The following RASSF6 variants were observed in gnomAD, a reference collection of about 807,000 sequenced individuals.
RASSF6 encodes the protein Ras association domain family member 6.
A neutral mutation model predicts 44.0 loss-of-function variants in RASSF6; 52 were observed. The observed-to-expected ratio is 1.18, with a 90% CI of 0.95 to 1.49. The LOEUF is 1.49. RASSF6 is among the 40% of genes most tolerant of loss of function. The probability of loss-of-function intolerance (pLI) is 0.00; values close to 1 mark genes in which losing one functional copy is unlikely to be tolerated. For synonymous variants in RASSF6, 162 were observed against 124.6 expected, an observed-to-expected ratio of 1.30 and a Z score of -2.00; for missense variants, 464 against 393.3, an observed-to-expected ratio of 1.18 and a Z score of -1.52.
chr4:73,579,485 A>G (rs1416091619), intron 8 of RASSF6, among the ~76,000 whole-genome samples: 2 of 152,206 alleles, frequency 1.3e-5, no homozygotes, highest in African/African-American at 2.4e-5. Flanking sequence ...GAGAAGTGCA[A>G]GATAATATTA....
chr4:73,617,182 G>C (rs528942934), intron 1 of RASSF6, among the ~76,000 whole-genome samples: 2 of 152,156 alleles, frequency 1.3e-5, no homozygotes, highest in Non-Finnish European at 2.9e-5. Context: ...ATCTAAGAGA[G>C]GACTAAGCAG....
At chr4:73,602,204 C>T (rs72863074) in intron 2 of RASSF6, among the ~76,000 whole-genome samples, 2,131 of 152,244 alleles carry the variant, frequency 0.014, 36 homozygotes, top group South Asian at 0.047. Context: ...GAATTCACTT[C>T]GCAGGCAATG....
rs558746502 is a variant in RASSF6, at chr4:73,620,321, T to G, written c.-68A>C. 132 of 1,473,978 alleles carry G rather than the reference T, an allele frequency of 9.0e-5. 1 individual carries two copies. The African/African-American group carries it at 1.7e-3, about 19-fold the overall frequency. The allele number at this position is 1,473,978 out of a possible 1,614,324, so 91.3% of individuals were successfully genotyped here. ...CACACTGTGAGCAGGAGGACCCTTT[T>G]CACCATCGTTGTTCGGCTGAACTTG... is the stretch of plus-strand genomic sequence containing the variant. On this transcript the variant is annotated 5_prime_UTR_variant, in exon 1 of 11. Transcript: ENST00000307439.
intron 2 of RASSF6, among the ~76,000 whole-genome samples, chr4:73,601,682 T>C (rs1725286529): frequency 6.6e-6 from 1 of 152,264 alleles, no homozygotes; most frequent in African/African-American, 2.4e-5. Context: ...CAAACATTTC[T>C]TTTAATCGTG....
chr4:73,595,706 T>C (rs994409082), intron 3 of RASSF6, among the ~76,000 whole-genome samples: 1 of 136,946 alleles, frequency 7.3e-6, no homozygotes, highest in East Asian at 2.0e-4. Flanking sequence ...TTTTTATAAT[T>C]GTATATATTA....
chr4:73,588,608 C>G (rs1369267834), intron 4 of RASSF6, among the ~76,000 whole-genome samples: 1 of 151,892 alleles, frequency 6.6e-6, no homozygotes, highest in Non-Finnish European at 1.5e-5. Context: ...AGTTTCTTAT[C>G]CCCTCTGTGC....
At position 73,576,403 on chromosome 4, in the gene RASSF6, G is replaced by T; in HGVS notation, c.938+7C>A. ...CGGAGTATCCAATGTGCATGCTCTT[G>T]ACTTACTTTGTTACTATTCTTTGAA... is the stretch of plus-strand genomic sequence containing the variant. On this transcript the variant is annotated splice_region_variant and intron_variant, in intron 10 of 10. Transcript: ENST00000307439. 6.5e-7 allele frequency: 1 copy of T among 1,533,000 alleles called. No homozygotes were observed. Among genetic ancestry groups the T allele is most frequent in the South Asian group, 1.2e-5 (1 of 84,760 alleles). 95.0% of individuals were successfully genotyped at this position (1,533,000 alleles called of 1,614,324 possible).
intron 4 of RASSF6, among the ~76,000 whole-genome samples, chr4:73,589,347 TA>T (rs1724350482): frequency 1.3e-5 from 2 of 152,130 alleles, no homozygotes; most frequent in Non-Finnish European, 2.9e-5. Context: ...AGCAGCTTAA[TA>T]ATCAGAAAGT....
intron 5 of RASSF6, among the ~76,000 whole-genome samples, chr4:73,586,723 T>G (rs1724122849): frequency 1.3e-5 from 2 of 151,998 alleles, no homozygotes; most frequent in South Asian, 4.1e-4. Flanking sequence ...ATGTCTTTGA[T>G]GCCAAGATAC....
At chr4:73,606,573 G>A (rs1221990891) in intron 2 of RASSF6, among the ~76,000 whole-genome samples, 1 of 152,070 alleles carries the variant, frequency 6.6e-6, no homozygotes, top group Admixed American at 6.5e-5. Flanking sequence ...CTCATATTTG[G>A]GTCTTGCTTC....
At chr4:73,620,499 A>T, upstream of RASSF6, 1 of 1,543,438 alleles carries the variant, frequency 6.5e-7, no homozygotes. Context: ...CTCCCAGAGC[A>T]TGGCTCAGCT....
At chr4:73,614,282 G>C (rs570463802) in intron 1 of RASSF6, among the ~76,000 whole-genome samples, 6 of 152,284 alleles carry the variant, frequency 3.9e-5, no homozygotes, top group South Asian at 2.1e-4. Flanking sequence ...TCCCTCTGTT[G>C]TGGTCTGAAT....
intron 5 of RASSF6, among the ~76,000 whole-genome samples, chr4:73,587,083 C>T (rs1385435665): frequency 6.6e-6 from 1 of 151,996 alleles, no homozygotes. Flanking sequence ...GCATCCACTA[C>T]TCTTTGAATC....
chr4:73,618,602 G>A (rs1726518652), intron 1 of RASSF6, among the ~76,000 whole-genome samples: 1 of 151,936 alleles, frequency 6.6e-6, no homozygotes, highest in African/African-American at 2.4e-5. Context: ...TAAGTTTTTA[G>A]CTAAACTGTA....
chr4:73,586,884 C>A (rs1333489120), intron 5 of RASSF6, among the ~76,000 whole-genome samples: 2 of 147,148 alleles, frequency 1.4e-5, no homozygotes, highest in East Asian at 3.9e-4. Context: ...TGTGGAATAG[C>A]AGACGAGGCA....
At chr4:73,619,020 G>A (rs1344237172) in intron 1 of RASSF6, among the ~76,000 whole-genome samples, 2 of 152,102 alleles carry the variant, frequency 1.3e-5, no homozygotes, top group Admixed American at 6.6e-5. Context: ...ATTCCTTCAT[G>A]TCTCTTGTCC....
At position 73,603,253 on chromosome 4, in the gene RASSF6, C is replaced by T. The variant is rs1431861442; in HGVS notation, c.66-4535G>A. Among the ~76,000 whole-genome samples, 4 of 152,284 alleles carry T rather than the reference C, an allele frequency of 2.6e-5. No homozygotes were observed. In the South Asian group the frequency reaches 8.3e-4, roughly 32 times the overall value. On this transcript the variant is annotated intron_variant, in intron 2 of 10. Transcript: ENST00000307439. Reference sequence around the variant, plus strand: ...GGGTGTTTTTAAACATCATCAAACACTATATAAGGATGGTGTTTTCACTAA... The same window carrying T: ...GGGTGTTTTTAAACATCATCAAACATTATATAAGGATGGTGTTTTCACTAA...
intron 7 of RASSF6, 107 bp downstream of exon 7, chr4:73,582,082 A>G (rs1723698451): frequency 1.5e-6 from 1 of 674,144 alleles, no homozygotes. Context: ...CTCAACATCC[A>G]ATTTAGATTT....
intron 2 of RASSF6, 91 bp downstream of exon 2, chr4:73,611,640 T>G (rs1031779834): frequency 6.4e-5 from 46 of 716,836 alleles, no homozygotes; most frequent in Middle Eastern, 5.0e-4. Flanking sequence ...ATTGATCTTG[T>G]TGACCATACA....
Sources: gnomAD v4.1 joint callset for allele counts (sites outside exome capture counted in the v4.1 genomes callset) on GRCh38, gnomAD v4.1.1 for gene constraint, MANE v1.5 for transcripts, NCBI Gene and HGNC (gene_info 2026-07-23, HGNC 2026-07-21) for gene names.